PDE1C: variants seen among roughly 807,000 people sequenced by gnomAD.
PDE1C encodes the protein phosphodiesterase 1C.
Under a neutral mutation model 93.1 loss-of-function variants are expected in PDE1C, and 62 were observed. The observed-to-expected ratio is 0.67, with a 90% CI of 0.54 to 0.82. PDE1C has a LOEUF of 0.82. PDE1C is among the 40% of genes least tolerant of loss of function. The pLI is 0.00. For missense variants in PDE1C, 742 were observed against 884.6 expected (o/e 0.84, Z 2.04); for synonymous variants, 325 against 310.1 (o/e 1.05, Z -0.50).
chr7:32,015,164 G>A (rs1332222738), intron 2 of PDE1C, among the ~76,000 whole-genome samples: 1 of 152,036 alleles, frequency 6.6e-6, no homozygotes, highest in Non-Finnish European at 1.5e-5. Flanking sequence ...AGCCTCTCCA[G>A]TCATGCTGAA....
chr7:31,993,364 AG>A lies in PDE1C; in HGVS notation c.128+58189del, dbSNP rs547966999. ...GGGATAAGCAAAGGATCAAAGTCCA[AG>A]CTTGACTGGAATAAGGAGGGCAGAC... is the stretch of plus-strand genomic sequence containing the variant. On this transcript the variant is annotated intron_variant, in intron 2 of 17. Transcript: ENST00000396191. Among the ~76,000 whole-genome samples the A allele has an allele frequency of 1.8e-4, 28 of 152,290 alleles. No individual in the cohort carries two copies. The South Asian group carries it at 5.6e-3, about 30-fold the overall frequency.
intron 1 of PDE1C, among the ~76,000 whole-genome samples, chr7:32,423,425 T>A (rs1359691746): frequency 6.6e-6 from 1 of 152,150 alleles, no homozygotes; most frequent in Non-Finnish European, 1.5e-5. Flanking sequence ...CTCAGGTTGC[T>A]TGTCAGACTT....
At chr7:31,637,289 G>C in the PDE1C span, among the ~76,000 whole-genome samples, 105 of 152,162 alleles carry the variant, frequency 6.9e-4, 1 homozygote, top group African/African-American at 2.1e-3. Flanking sequence ...ATTTCTAGTT[G>C]TAGATCCCTG....
chr7:31,828,141 G>C, intron 12 of PDE1C, 151 bp downstream of exon 12: 1 of 533,962 alleles, frequency 1.9e-6, no homozygotes, highest in Non-Finnish European at 3.4e-6. Flanking sequence ...AATGGACAGA[G>C]TGGTTCCATA....
rs550267420 is a variant in PDE1C, at chr7:31,999,855, T to C, written c.128+51699A>G. On this transcript the variant is annotated intron_variant, in intron 2 of 17. Coordinates refer to ENST00000396191, the MANE Select transcript of PDE1C (RefSeq NM_001191057.4). ...GCAATTATTTACTGAGTTCAACAGC[T>C]GAGCATGGCTGTTGCTGGGGGAGAA... 7.2e-5 allele frequency among the ~76,000 whole-genome samples: 11 copies of C among 152,338 alleles called. No homozygotes were observed. The East Asian group carries it at 1.9e-3, about 27-fold the overall frequency.
chr7:31,644,103 G>A, the PDE1C span: 1 of 698,662 alleles, frequency 1.4e-6, no homozygotes, highest in African/African-American at 1.8e-5. Flanking sequence ...GTGCTTTATT[G>A]TTTATGATAT....
intron 1 of PDE1C, among the ~76,000 whole-genome samples, chr7:32,363,130 A>G (rs1049781343): frequency 1.3e-5 from 2 of 152,120 alleles, no homozygotes; most frequent in South Asian, 4.1e-4. Flanking sequence ...CACCTTTGAA[A>G]GTGAAAGGGG....
At chr7:32,372,142 C>A (rs1286198076) in intron 1 of PDE1C, among the ~76,000 whole-genome samples, 1 of 146,968 alleles carries the variant, frequency 6.8e-6, no homozygotes, top group African/African-American at 2.5e-5. Context: ...CAACCTCTAA[C>A]TCCTGAGTTC....
chr7:31,943,301 C>T (rs1806099776), intron 2 of PDE1C, among the ~76,000 whole-genome samples: 1 of 152,034 alleles, frequency 6.6e-6, no homozygotes, highest in Non-Finnish European at 1.5e-5. Context: ...GAGGTATAGC[C>T]CAGGGAGGCT....
intron 1 of PDE1C, among the ~76,000 whole-genome samples, chr7:32,260,485 CTTTG>C (rs1810120623): frequency 1.3e-5 from 2 of 152,128 alleles, no homozygotes; most frequent in African/African-American, 4.8e-5. Context: ...CACTTTGATT[CTTTG>C]TTTCATGAGC....
At chr7:31,739,677 A>C in the PDE1C span, among the ~76,000 whole-genome samples, 1 of 151,608 alleles carries the variant, frequency 6.6e-6, no homozygotes, top group Admixed American at 6.5e-5. Flanking sequence ...GCACGAGTGG[A>C]GGTCCTCCTT....
At chr7:32,244,568 G>A (rs1340547013) in intron 1 of PDE1C, among the ~76,000 whole-genome samples, 1 of 152,090 alleles carries the variant, frequency 6.6e-6, no homozygotes, top group African/African-American at 2.4e-5. Context: ...TCAATCTTGG[G>A]CACGGCTTTC....
chr7:32,055,551 A>G (rs1793956070), intron 1 of PDE1C, among the ~76,000 whole-genome samples: 1 of 152,200 alleles, frequency 6.6e-6, no homozygotes, highest in South Asian at 2.1e-4. Context: ...AAACTTAGAC[A>G]CTAGATAAAA....
At position 31,987,377 on chromosome 7, in the gene PDE1C, C is replaced by G. The variant is rs1161250464; in HGVS notation, c.128+64177G>C. ...CAGGACAGGATGAGGGCCCACCCAG[C>G]TGAGCTCATCATCCTGCCTCAGCCT... On this transcript the variant is annotated intron_variant, in intron 2 of 17. Transcript: ENST00000396191. Among the ~76,000 whole-genome samples the G allele has an allele frequency of 3.3e-5, 5 of 152,336 alleles. No individual in the cohort carries two copies. The East Asian group carries it at 5.8e-4, about 18-fold the overall frequency.
At chr7:31,697,566 A>C in the PDE1C span, among the ~76,000 whole-genome samples, 1 of 152,212 alleles carries the variant, frequency 6.6e-6, no homozygotes, top group Non-Finnish European at 1.5e-5. Flanking sequence ...AAATCAAACA[A>C]AAAAAATCAT....
chr7:32,339,815 G>A (rs1490215697), intron 1 of PDE1C, among the ~76,000 whole-genome samples: 8 of 152,020 alleles, frequency 5.3e-5, no homozygotes, highest in African/African-American at 1.9e-4. Flanking sequence ...CAAGATGAGG[G>A]CTATAAAAGA....
intron 2 of PDE1C, among the ~76,000 whole-genome samples, chr7:31,895,021 C>T (rs1479716217): frequency 6.6e-6 from 1 of 152,140 alleles, no homozygotes; most frequent in African/African-American, 2.4e-5. Flanking sequence ...ACTCCCAGGA[C>T]ACCCTTACAC....
intron 2 of PDE1C, among the ~76,000 whole-genome samples, chr7:32,045,630 C>T (rs1792443764): frequency 6.6e-6 from 1 of 152,138 alleles, no homozygotes; most frequent in African/African-American, 2.4e-5. Context: ...TGTTAATTTT[C>T]CCAACAAGTT....
At chr7:32,279,852 A>G (rs1045954764) in intron 1 of PDE1C, among the ~76,000 whole-genome samples, 8 of 152,194 alleles carry the variant, frequency 5.3e-5, no homozygotes, top group Non-Finnish European at 8.8e-5. Context: ...CAAAAACCTA[A>G]TTTCTTGGTC....
Sources: gnomAD v4.1 joint callset for allele counts (sites outside exome capture counted in the v4.1 genomes callset) on GRCh38, gnomAD v4.1.1 for gene constraint, MANE v1.5 for transcripts, NCBI Gene and HGNC (gene_info 2026-07-23, HGNC 2026-07-21) for gene names.